Variants in EWSR1 observed in about 807,000 individuals in gnomAD.
EWSR1 encodes the protein EWS RNA binding protein 1, also known as RNA-binding protein EWS.
Under a neutral mutation model 92.1 loss-of-function variants are expected in EWSR1, and 14 were observed. The ratio of observed to expected loss-of-function variants is 0.15; its 90% CI spans 0.10 to 0.24. The LOEUF is 0.24. Among genes scored for constraint, EWSR1 ranks in the 10% least tolerant of loss-of-function variants. The probability of loss-of-function intolerance (pLI) is 1.00; values close to 1 mark genes in which losing one functional copy is unlikely to be tolerated. For synonymous variants in EWSR1, 303 were observed against 292.9 expected, an observed-to-expected ratio of 1.03 and a Z score of -0.35; for missense variants, 637 against 870.9, an observed-to-expected ratio of 0.73 and a Z score of 3.38.
At chr22:29,278,621 G>C (rs768342958) in intron 5 of EWSR1, among the ~76,000 whole-genome samples, 1 of 152,112 alleles carries the variant, frequency 6.6e-6, no homozygotes, top group African/African-American at 2.4e-5. Flanking sequence ...TCAGGAGATC[G>C]AGACCATCCT....
At chr22:29,277,956 A>G (rs2059247413) in intron 4 of EWSR1, 74 bp from the exon 5 acceptor site, 1 of 1,355,216 alleles carries the variant, frequency 7.4e-7, no homozygotes, top group African/African-American at 1.4e-5. Context: ...TGGTTTACAA[A>G]TTGTTCTGAT....
chr22:29,273,758 C>T lies in EWSR1; in HGVS notation c.120C>T (p.Ser40=), dbSNP rs2058880772. The part of the protein sequence containing the change: ...AQTTQAYGQQ[S]YGTYGQPTDV... ...TGGAGCAGGCATATGGGCAACAAAGCTATGGAACCTATGGACAGCCCACTG... is the reference window on the plus strand; with the variant it reads ...TGGAGCAGGCATATGGGCAACAAAGTTATGGAACCTATGGACAGCCCACTG... Residue 40 remains serine, a synonymous_variant, in exon 4 of 17, where the codon AGC becomes AGT. Transcript: ENST00000397938. 3 of 1,613,208 alleles carry T rather than the reference C, an allele frequency of 1.9e-6. No homozygotes were observed. The highest frequency in any genetic ancestry group is 2.7e-5 in the African/African-American group (2 of 74,838).
At chr22:29,285,128 T>G (rs1157682089) in intron 6 of EWSR1, among the ~76,000 whole-genome samples, 1 of 146,290 alleles carries the variant, frequency 6.8e-6, no homozygotes, top group Non-Finnish European at 1.5e-5. Context: ...CCTTGTTTTT[T>G]TTTTTTTTTT....
At chr22:29,282,948 G>C (rs59736149) in intron 6 of EWSR1, among the ~76,000 whole-genome samples, 1 of 151,944 alleles carries the variant, frequency 6.6e-6, no homozygotes, top group Non-Finnish European at 1.5e-5. Flanking sequence ...ATTTTTAGTA[G>C]AGACAGGGTT....
chr22:29,289,819 CTT>C (rs1000820868), intron 8 of EWSR1: 1 of 231,158 alleles, frequency 4.3e-6, no homozygotes, highest in Non-Finnish European at 8.6e-6. Flanking sequence ...TTCTGCATAA[CTT>C]TAAGAAAGTC....
intron 6 of EWSR1, 32 bp from the exon 7 acceptor site, chr22:29,286,891 G>T (rs772873466): frequency 6.8e-7 from 1 of 1,470,222 alleles, no homozygotes; most frequent in Admixed American, 1.8e-5. Context: ...TTCTAAAAAA[G>T]CTTTTTTTTT....
At chr22:29,282,216 G>A (rs1304418483) in intron 5 of EWSR1, among the ~76,000 whole-genome samples, 174 bp from the exon 6 acceptor site, 1 of 152,136 alleles carries the variant, frequency 6.6e-6, no homozygotes, top group Non-Finnish European at 1.5e-5. Flanking sequence ...GACCGACACT[G>A]AGTTTGATGT....
chr22:29,293,074 CAG>C (rs967100561), intron 11 of EWSR1, among the ~76,000 whole-genome samples: 1 of 152,094 alleles, frequency 6.6e-6, no homozygotes, highest in Admixed American at 6.6e-5. Flanking sequence ...CCCCTAGGGA[CAG>C]AGTGTTGCTC....
intron 3 of EWSR1, among the ~76,000 whole-genome samples, chr22:29,272,772 AGAG>A (rs2058784185): frequency 6.6e-6 from 1 of 152,242 alleles, no homozygotes. Flanking sequence ...ACCATTCTGC[AGAG>A]GAGAACATTG....
intron 4 of EWSR1, chr22:29,277,776 T>C: frequency 2.2e-6 from 1 of 447,414 alleles, no homozygotes; most frequent in Non-Finnish European, 4.0e-6. Flanking sequence ...CTGTTTTCTG[T>C]AGCATGACAT....
rs748419489 is a variant in EWSR1, at chr22:29,299,353, G to A, written c.1678+22G>A. On this transcript the variant is annotated intron_variant, in intron 15 of 16. Coordinates refer to ENST00000397938, the MANE Select transcript of EWSR1 (RefSeq NM_005243.4). ...CCGGGTAGGTGCAGGTTTCATGAGTGTCCCCTCAGCTTCCTGGTGCTAAAC... is the reference window on the plus strand; with the variant it reads ...CCGGGTAGGTGCAGGTTTCATGAGTATCCCCTCAGCTTCCTGGTGCTAAAC... 5.0e-6 allele frequency: 8 copies of A among 1,606,434 alleles called. No individual in the cohort carries two copies. In the South Asian group the frequency reaches 8.8e-5, roughly 18 times the overall value.
chr22:29,299,547 G>GGGCC, intron 15 of EWSR1, 52 bp from the exon 16 acceptor site: 2 of 1,542,900 alleles, frequency 1.3e-6, no homozygotes, highest in Non-Finnish European at 1.8e-6. Flanking sequence ...AGTGTCCACA[G>GGGCC]GGCCTCTGCA....
chr22:29,297,749 G>T lies in EWSR1; in HGVS notation c.1295-78G>T, dbSNP rs1008735565. The T allele has an allele frequency of 1.8e-5, 29 of 1,570,026 alleles. No homozygotes were observed. The African/African-American group carries it at 3.7e-4, about 20-fold the overall frequency. ...ACAGGCAGACCTAATGCATCTGGGA[G>T]TGGTCATTTGATGATGATGTGGAGT... is the stretch of plus-strand genomic sequence containing the variant. On this transcript the variant is annotated intron_variant, in intron 12 of 16. Coordinates refer to ENST00000397938, the MANE Select transcript of EWSR1 (RefSeq NM_005243.4).
At chr22:29,268,423 T>G in intron 1 of EWSR1, 74 bp downstream of exon 1, 2 of 1,613,046 alleles carry the variant, frequency 1.2e-6, no homozygotes, top group South Asian at 2.2e-5. Context: ...GTCTCTGGGC[T>G]TGGCTGGGAA....
chr22:29,272,129 TC>T, intron 1 of EWSR1, 86 bp from the exon 2 acceptor site: 1 of 1,232,682 alleles, frequency 8.1e-7, no homozygotes, highest in Non-Finnish European at 1.2e-6. Context: ...AAAGAATTCT[TC>T]CTGCCACGTG....
intron 3 of EWSR1, 125 bp from the exon 4 acceptor site, chr22:29,273,616 G>T: frequency 9.2e-7 from 1 of 1,086,000 alleles, no homozygotes; most frequent in Non-Finnish European, 1.3e-6. Context: ...TGTTGTTTTT[G>T]TTTTGTTTTT....
At position 29,281,641 on chromosome 22, in the gene EWSR1, C is replaced by T. The variant is rs1234141961; in HGVS notation, c.414-749C>T. The stretch of plus-strand genomic sequence containing the variant: ...TGTCGCCCAGGCTGGAGTGCAGTGG[C>T]GCGATCTCGGCTCACTGCCAGCTCC... On this transcript the variant is annotated intron_variant, in intron 5 of 16. Coordinates refer to ENST00000397938, the MANE Select transcript of EWSR1 (RefSeq NM_005243.4). 4.6e-5 allele frequency among the ~76,000 whole-genome samples: 7 copies of T among 152,078 alleles called. No individual in the cohort carries two copies. In the South Asian group the frequency reaches 1.0e-3, roughly 23 times the overall value.
chr22:29,286,997 G>A lies in EWSR1; in HGVS notation c.656G>A (p.Ser219Asn). Residue 219 changes from serine (S) to asparagine (N), a missense_variant, in exon 7 of 17, where the codon AGC becomes AAC. By Grantham distance (46) the Ser-to-Asn change is conservative. This residue lies in a region of EWSR1 where 116 missense variants were observed against 167.8 expected (regional missense o/e 0.69). Transcript: ENST00000397938. ...SQQNTYGQPS[S>N]YGQQSSYGQQ... is the part of the protein sequence containing the mutation. ...CAGAACACCTATGGGCAACCGAGCA[G>A]CTATGGACAGCAGAGTAGCTATGGT... 2 of 1,613,704 alleles carry A rather than the reference G, an allele frequency of 1.2e-6. No homozygotes were observed. Among genetic ancestry groups the A allele is most frequent in the Non-Finnish European group, 1.7e-6 (2 of 1,179,856 alleles).
intron 5 of EWSR1, among the ~76,000 whole-genome samples, chr22:29,281,953 G>C (rs1452964094): frequency 6.6e-6 from 1 of 152,186 alleles, no homozygotes; most frequent in Admixed American, 6.5e-5. Context: ...ATGATGCCAT[G>C]GACTTACGTA....
Sources: allele counts gnomAD v4.1 joint callset (sites outside exome capture counted in the v4.1 genomes callset), GRCh38; gene constraint gnomAD v4.1.1; regional missense constraint gnomAD v4.1.1; transcripts MANE v1.5; gene names NCBI Gene and HGNC (gene_info 2026-07-23, HGNC 2026-07-21).